Variants in PARD3B observed in about 807,000 individuals in gnomAD.
PARD3B encodes the protein par-3 family cell polarity regulator beta.
PARD3B carries 103 observed loss-of-function variants against 130.2 expected under a neutral mutation model. The observed-to-expected ratio is 0.79, with a 90% CI of 0.67 to 0.93. The LOEUF (loss-of-function observed/expected upper bound fraction) is 0.93. PARD3B is among the 40% of genes least tolerant of loss of function. PARD3B has a pLI of 0.00. For synonymous variants in PARD3B, 583 were observed against 553.2 expected (o/e 1.05, Z -0.76); for missense variants, 1,609 against 1,499.2 (o/e 1.07, Z -1.21).
Position 205,270,781 on chromosome 2 carries a change from C to T in PARD3B, c.2185+24959C>T, listed in dbSNP as rs183607409. Among the ~76,000 whole-genome samples, 83 of 152,062 alleles carry T rather than the reference C, an allele frequency of 5.5e-4. 1 individual carries two copies. In the East Asian group the frequency reaches 0.013, roughly 24 times the overall value. On this transcript the variant is annotated intron_variant, in intron 16 of 22. Transcript: ENST00000406610. Reference sequence around the variant, plus strand: ...CATCTTGCAGTAGATCTAGGCAAAACAGGAAGGGATAAAGGGAGGGAAAAG... The same window carrying T: ...CATCTTGCAGTAGATCTAGGCAAAATAGGAAGGGATAAAGGGAGGGAAAAG...
At position 205,400,445 on chromosome 2, in the gene PARD3B, A is replaced by T. The variant is rs2046207941; in HGVS notation, c.2631-568A>T. Among the ~76,000 whole-genome samples, 3 of 152,248 alleles carry T rather than the reference A, an allele frequency of 2.0e-5. No individual in the cohort carries two copies. In the South Asian group the frequency reaches 6.2e-4, roughly 32 times the overall value. On this transcript the variant is annotated intron_variant, in intron 18 of 22. Transcript: ENST00000406610. ...CACTTGGGGCCAGAAGTTCAAGACC[A>T]GTCTCGCCAACGTGGTGAAACCCCG...
rs149794491 is a variant in PARD3B, at chr2:205,235,554, C to T, written c.2141-10224C>T. On this transcript the variant is annotated intron_variant, in intron 15 of 22. Transcript: ENST00000406610. ...CCCCATAGTGCTGTAGAGGATAGTACTATACACCACAATGGATCTGATAAC... is the reference window on the plus strand; with the variant it reads ...CCCCATAGTGCTGTAGAGGATAGTATTATACACCACAATGGATCTGATAAC... Among the ~76,000 whole-genome samples, 606 of 152,206 alleles carry T rather than the reference C, an allele frequency of 4.0e-3. 2 individuals carry two copies. The highest frequency in any genetic ancestry group is 0.014 in the African/African-American group (569 of 41,518).
chr2:205,221,698 A>C (rs2038245536), intron 15 of PARD3B, among the ~76,000 whole-genome samples: 1 of 151,028 alleles, frequency 6.6e-6, no homozygotes, highest in Non-Finnish European at 1.5e-5. Context: ...ACAAACAATA[A>C]ATTCTCTATG....
intron 2 of PARD3B, among the ~76,000 whole-genome samples, chr2:204,866,022 C>G (rs1320459311): frequency 1.3e-5 from 2 of 152,172 alleles, no homozygotes; most frequent in Non-Finnish European, 2.9e-5. Context: ...CACCTGCTTC[C>G]CATTCATCCT....
At chr2:205,505,315 C>A (rs1463258744) in intron 21 of PARD3B, among the ~76,000 whole-genome samples, 4 of 152,024 alleles carry the variant, frequency 2.6e-5, no homozygotes, top group Non-Finnish European at 5.9e-5. Context: ...GGGTGCAGCA[C>A]ACGAACATGG....
intron 16 of PARD3B, among the ~76,000 whole-genome samples, chr2:205,277,010 G>C (rs2040975504): frequency 6.6e-6 from 1 of 152,218 alleles, no homozygotes; most frequent in Admixed American, 6.5e-5. Flanking sequence ...TTATGTTTGA[G>C]TGATCTGCAT....
intron 20 of PARD3B, among the ~76,000 whole-genome samples, chr2:205,464,398 ACTG>A (rs2048554213): frequency 6.6e-6 from 1 of 152,120 alleles, no homozygotes; most frequent in South Asian, 2.1e-4. Context: ...TCTCTCGTAG[ACTG>A]GGTATTAATG....
chr2:204,985,070 G>T (rs1035256307), intron 3 of PARD3B, among the ~76,000 whole-genome samples: 1 of 152,026 alleles, frequency 6.6e-6, no homozygotes, highest in Non-Finnish European at 1.5e-5. Context: ...TGGTAATATT[G>T]TAGGCTACCA....
At position 205,142,721 on chromosome 2, in the gene PARD3B, T is replaced by C. The variant is rs1037935854; in HGVS notation, c.1435-16001T>C. On this transcript the variant is annotated intron_variant, in intron 10 of 22. Coordinates refer to ENST00000406610, the MANE Select transcript of PARD3B (RefSeq NM_001302769.2). The surrounding 1 kb of genome is among the most constrained non-coding windows in gnomAD (Gnocchi z 4.3). ...GGTGAAACCCCGTCTCTACTAAAAA[T>C]ACAAAAATTAGCCAGGCGTGGTGGT... Among the ~76,000 whole-genome samples, 4 of 151,760 alleles carry C rather than the reference T, an allele frequency of 2.6e-5. No homozygotes were observed. The highest frequency in any genetic ancestry group is 5.9e-5 in the Non-Finnish European group (4 of 67,956).
chr2:205,497,796 A>G (rs1238616559), intron 20 of PARD3B, among the ~76,000 whole-genome samples: 1 of 152,152 alleles, frequency 6.6e-6, no homozygotes, highest in Non-Finnish European at 1.5e-5. Flanking sequence ...CATAAGTGTC[A>G]TGATTGATAA....
At chr2:205,141,406 T>C in intron 10 of PARD3B, among the ~76,000 whole-genome samples, 1 of 152,236 alleles carries the variant, frequency 6.6e-6, no homozygotes, top group Admixed American at 6.5e-5. Context: ...TGTTTAGATG[T>C]TGATGTAGAC....
chr2:205,288,631 T>G lies in PARD3B; in HGVS notation c.2186-11899T>G, dbSNP rs1280755660. On this transcript the variant is annotated intron_variant, in intron 16 of 22. Transcript: ENST00000406610. This position sits in a 1 kb window ranked among gnomAD's most constrained non-coding sequence, Gnocchi z 4.0. ...TTTACTTTATCCTTTCTACTCATGT[T>G]TATTTCCCACCAATCTCTACCACAT... is the stretch of plus-strand genomic sequence containing the variant. Among the ~76,000 whole-genome samples, 1 of 152,188 alleles carries G rather than the reference T, an allele frequency of 6.6e-6. No individual in the cohort carries two copies. The highest frequency in any genetic ancestry group is 1.5e-5 in the Non-Finnish European group (1 of 68,034).
chr2:204,735,575 G>T lies in PARD3B; in HGVS notation c.222+49293G>T, dbSNP rs546028379. Among the ~76,000 whole-genome samples, 4 of 152,284 alleles carry T rather than the reference G, an allele frequency of 2.6e-5. No individual in the cohort carries two copies. In the East Asian group the frequency reaches 7.7e-4, roughly 29 times the overall value. ...CAGGAAAGAAAGGGGAACTTTTCCA[G>T]ATTTAGAGTTGAAAAAGTCACAGCC... On this transcript the variant is annotated intron_variant, in intron 2 of 22. Coordinates refer to ENST00000406610, the MANE Select transcript of PARD3B (RefSeq NM_001302769.2).
chr2:205,256,882 G>T (rs1320472173), intron 16 of PARD3B, among the ~76,000 whole-genome samples: 1 of 151,154 alleles, frequency 6.6e-6, no homozygotes, highest in African/African-American at 2.4e-5. Flanking sequence ...ATAGAGAAAG[G>T]CTTAACCATG....
At chr2:204,914,013 T>C (rs1206987142) in intron 2 of PARD3B, among the ~76,000 whole-genome samples, 2 of 152,150 alleles carry the variant, frequency 1.3e-5, no homozygotes, top group Admixed American at 6.6e-5. Flanking sequence ...GTTGTTTCTG[T>C]TGATGGTAGT....
chr2:205,555,836 G>A (rs922191375), intron 22 of PARD3B, among the ~76,000 whole-genome samples: 10 of 152,182 alleles, frequency 6.6e-5, no homozygotes, highest in African/African-American at 2.4e-4. Context: ...AAATGGGGAT[G>A]CTGCATCCCA....
chr2:205,204,311 G>C (rs1439144206), intron 15 of PARD3B, among the ~76,000 whole-genome samples: 1 of 152,000 alleles, frequency 6.6e-6, no homozygotes, highest in Non-Finnish European at 1.5e-5. Flanking sequence ...TTTTTTACTT[G>C]TAAATTTGTT....
chr2:204,847,115 G>A (rs2044492903), intron 2 of PARD3B, among the ~76,000 whole-genome samples: 1 of 151,082 alleles, frequency 6.6e-6, no homozygotes, highest in South Asian at 2.1e-4. Context: ...TATTGTTTAG[G>A]TATGTTTGTT....
At chr2:205,554,728 CT>C (rs1247872204) in intron 22 of PARD3B, among the ~76,000 whole-genome samples, 2 of 152,106 alleles carry the variant, frequency 1.3e-5, no homozygotes, top group African/African-American at 2.4e-5. Flanking sequence ...TATGTACAAA[CT>C]TTTTTTCCAT....
Sources: allele counts gnomAD v4.1 joint callset (sites outside exome capture counted in the v4.1 genomes callset), GRCh38; gene constraint gnomAD v4.1.1; non-coding constraint Gnocchi (gnomAD v3.1); transcripts MANE v1.5; gene names NCBI Gene and HGNC (gene_info 2026-07-23, HGNC 2026-07-21).